ABTB3: variants seen among roughly 807,000 people sequenced by gnomAD.
ABTB3 encodes ankyrin repeat- and BTB/POZ domain-containing protein 3.
the ABTB3 span, chr12:107,649,166 C>T: frequency 5.0e-4 from 784 of 1,559,182 alleles, 2 homozygotes; most frequent in African/African-American, 9.1e-3. Flanking sequence ...TGAGATGATG[C>T]GTCTTTGCTG....
At chr12:107,342,962 A>G in the ABTB3 span, among the ~76,000 whole-genome samples, 1 of 152,186 alleles carries the variant, frequency 6.6e-6, no homozygotes, top group Admixed American at 6.5e-5. Flanking sequence ...CTGCCCCTCC[A>G]TTGGACTGTA....
At chr12:107,358,260 CTG>C in the ABTB3 span, among the ~76,000 whole-genome samples, 2 of 152,118 alleles carry the variant, frequency 1.3e-5, no homozygotes, top group African/African-American at 4.8e-5. Flanking sequence ...CATTGGGAGA[CTG>C]TGATTTTTGC....
At chr12:107,333,872 T>A in the ABTB3 span, among the ~76,000 whole-genome samples, 273 of 151,106 alleles carry the variant, frequency 1.8e-3, 2 homozygotes, top group South Asian at 0.01. Context: ...ATCGGGAGAG[T>A]AGGGGATGGT....
chr12:107,356,500 T>C, the ABTB3 span, among the ~76,000 whole-genome samples: 1 of 152,188 alleles, frequency 6.6e-6, no homozygotes, highest in African/African-American at 2.4e-5. Flanking sequence ...GAGCCTGCCA[T>C]TCTCCGTGTG....
the ABTB3 span, chr12:107,544,011 C>T: frequency 2.5e-6 from 4 of 1,613,858 alleles, no homozygotes; most frequent in African/African-American, 1.3e-5. Context: ...CCCCCCTGCA[C>T]CACAAGCAGG....
the ABTB3 span, among the ~76,000 whole-genome samples, chr12:107,468,853 G>A: frequency 2.0e-5 from 3 of 152,174 alleles, no homozygotes; most frequent in African/African-American, 7.2e-5. Context: ...AACCCATGAT[G>A]TGGTACAGCA....
chr12:107,404,482 C>T, the ABTB3 span, among the ~76,000 whole-genome samples: 1 of 152,132 alleles, frequency 6.6e-6, no homozygotes, highest in Admixed American at 6.5e-5. Context: ...TCTCGGGACC[C>T]CCTCCTTGGC....
At chr12:107,407,230 G>C in the ABTB3 span, among the ~76,000 whole-genome samples, 2 of 152,194 alleles carry the variant, frequency 1.3e-5, no homozygotes, top group African/African-American at 4.8e-5. Flanking sequence ...ATGTAATAAT[G>C]CATGTAAAAT....
At chr12:107,463,529 G>C in the ABTB3 span, among the ~76,000 whole-genome samples, 5,752 of 152,180 alleles carry the variant, frequency 0.038, 147 homozygotes, top group Non-Finnish European at 0.058. Flanking sequence ...GATAACCAAG[G>C]CACAGCGGGG....
chr12:107,658,265 T>C, the ABTB3 span: 1 of 153,810 alleles, frequency 6.5e-6, no homozygotes, highest in Non-Finnish European at 1.4e-5. Flanking sequence ...TTAAAATATA[T>C]TTCTAAAAGC....
the ABTB3 span, among the ~76,000 whole-genome samples, chr12:107,493,643 G>GT: frequency 1.3e-5 from 2 of 152,168 alleles, no homozygotes; most frequent in East Asian, 3.9e-4. Flanking sequence ...AAGTGACCTT[G>GT]TTTGGAGCTA....
At chr12:107,526,122 A>C in the ABTB3 span, among the ~76,000 whole-genome samples, 4 of 152,338 alleles carry the variant, frequency 2.6e-5, no homozygotes, top group South Asian at 8.3e-4. Flanking sequence ...AGAAACAAAA[A>C]CTGAAGAAAA....
chr12:107,507,283 A>C, the ABTB3 span, among the ~76,000 whole-genome samples: 1 of 152,174 alleles, frequency 6.6e-6, no homozygotes, highest in South Asian at 2.1e-4. Context: ...TTGAGAGTCC[A>C]GGGAAGCAGG....
the ABTB3 span, among the ~76,000 whole-genome samples, chr12:107,363,601 T>G: frequency 2.6e-5 from 4 of 152,234 alleles, no homozygotes; most frequent in South Asian, 8.3e-4. Flanking sequence ...TCCATTGTTC[T>G]AGGCAATTCC....
chr12:107,341,004 A>G, the ABTB3 span, among the ~76,000 whole-genome samples: 3 of 152,110 alleles, frequency 2.0e-5, no homozygotes, highest in African/African-American at 7.2e-5. Flanking sequence ...ATCTAGGATG[A>G]TGTGAGATGT....
chr12:107,595,907 C>T, the ABTB3 span, among the ~76,000 whole-genome samples: 10 of 151,798 alleles, frequency 6.6e-5, no homozygotes, highest in Non-Finnish European at 1.0e-4. Flanking sequence ...TTTATATTCA[C>T]ATATAAATAG....
chr12:107,344,645 T>C, the ABTB3 span, among the ~76,000 whole-genome samples: 3 of 152,178 alleles, frequency 2.0e-5, no homozygotes, highest in African/African-American at 7.2e-5. Context: ...CTGACACCTT[T>C]GTCATGGCCA....
chr12:107,639,991 G>T, the ABTB3 span, among the ~76,000 whole-genome samples: 1 of 152,198 alleles, frequency 6.6e-6, no homozygotes, highest in Non-Finnish European at 1.5e-5. Flanking sequence ...AGGGCGCTGA[G>T]CCCTGAGAGA....
chr12:107,482,138 G>T, the ABTB3 span, among the ~76,000 whole-genome samples: 1 of 152,102 alleles, frequency 6.6e-6, no homozygotes, highest in Non-Finnish European at 1.5e-5. Context: ...CCAGAAGAAG[G>T]GGGAGTAGAC....
Sources: gnomAD v4.1 joint callset for allele counts (sites outside exome capture counted in the v4.1 genomes callset) on GRCh38, gnomAD v4.1.1 for gene constraint, MANE v1.5 for transcripts, NCBI Gene and HGNC (gene_info 2026-07-23, HGNC 2026-07-21) for gene names.